The following ZNF385D variants were observed in gnomAD, a reference collection of about 807,000 sequenced individuals.
The protein encoded by ZNF385D is zinc finger protein 385D, also known as zinc finger protein 659.
A neutral mutation model predicts 35.8 loss-of-function variants in ZNF385D; 15 were observed. That is an observed-to-expected ratio of 0.42 (90% confidence interval 0.28 to 0.64). The LOEUF (loss-of-function observed/expected upper bound fraction) is 0.64, where lower values mean the gene tolerates loss of function less well. Ranked by LOEUF, ZNF385D falls within the 30% of genes least tolerant of loss-of-function variation. ZNF385D has a pLI of 0.23. For missense variants in ZNF385D, 474 were observed against 494.6 expected (o/e 0.96, Z 0.39); for synonymous variants, 212 against 186.8 (o/e 1.13, Z -1.10).
intron 3 of ZNF385D, among the ~76,000 whole-genome samples, chr3:21,945,193 G>A (rs1015134936): frequency 7.9e-6 from 1 of 125,858 alleles, no homozygotes; most frequent in Non-Finnish European, 1.7e-5. Context: ...GAGAGAGACA[G>A]ATTGAGAGAA....
At chr3:22,109,494 C>T (rs1286207115) in intron 3 of ZNF385D, among the ~76,000 whole-genome samples, 4 of 152,094 alleles carry the variant, frequency 2.6e-5, no homozygotes, top group Admixed American at 2.0e-4. Flanking sequence ...CATCTTAGAG[C>T]TACTGATGTT....
intron 3 of ZNF385D, among the ~76,000 whole-genome samples, chr3:22,094,410 A>ATATATATATATATATATAT (rs1386186822): frequency 4.6e-4 from 38 of 83,402 alleles, no homozygotes; most frequent in South Asian, 1.0e-3. Context: ...ATATATATAT[A>ATATATATATATATATATAT]AAGGCATTTG....
intron 3 of ZNF385D, among the ~76,000 whole-genome samples, chr3:21,933,500 T>C (rs1360029230): frequency 1.3e-5 from 2 of 152,234 alleles, no homozygotes; most frequent in East Asian, 3.8e-4. Flanking sequence ...CAATGCTTCA[T>C]AGGCTATAAT....
chr3:22,213,889 G>A (rs1039929352), intron 2 of ZNF385D, among the ~76,000 whole-genome samples: 1 of 152,024 alleles, frequency 6.6e-6, no homozygotes, highest in Admixed American at 6.6e-5. Flanking sequence ...CTTAAGGAGA[G>A]AATTTACACC....
At chr3:21,664,764 C>T (rs1575422001) in intron 2 of ZNF385D, 122 bp downstream of exon 2, 12 of 1,355,798 alleles carry the variant, frequency 8.9e-6, no homozygotes, top group Non-Finnish European at 4.1e-6. Flanking sequence ...ATTATGGCTT[C>T]TAGACAAACC....
intron 4 of ZNF385D, among the ~76,000 whole-genome samples, chr3:21,457,143 G>A (rs2125300592): frequency 6.6e-6 from 1 of 152,204 alleles, no homozygotes; most frequent in Admixed American, 6.5e-5. Flanking sequence ...TCTTGAATGA[G>A]AGAATGAAAC....
At chr3:21,827,182 T>C (rs1311868136) in intron 3 of ZNF385D, among the ~76,000 whole-genome samples, 3 of 152,192 alleles carry the variant, frequency 2.0e-5, no homozygotes, top group East Asian at 1.9e-4. Context: ...TCTTAGCTTC[T>C]TTTACCACCA....
chr3:22,345,149 T>C (rs1695600218), intron 2 of ZNF385D, among the ~76,000 whole-genome samples: 1 of 152,178 alleles, frequency 6.6e-6, no homozygotes, highest in Non-Finnish European at 1.5e-5. Flanking sequence ...ACAATAATAA[T>C]GCAAACCATA....
At chr3:21,994,501 A>G (rs1576109421) in intron 3 of ZNF385D, among the ~76,000 whole-genome samples, 1 of 149,826 alleles carries the variant, frequency 6.7e-6, no homozygotes, top group African/African-American at 2.4e-5. Flanking sequence ...CTTTATTATG[A>G]TCACCATTTT....
intron 3 of ZNF385D, among the ~76,000 whole-genome samples, chr3:22,086,028 A>G (rs1701019367): frequency 6.6e-6 from 1 of 152,194 alleles, no homozygotes; most frequent in South Asian, 2.1e-4. Context: ...ACTCTCAATA[A>G]ATTAGGTGTT....
At chr3:22,131,713 G>A (rs1169684570) in intron 3 of ZNF385D, among the ~76,000 whole-genome samples, 1 of 152,148 alleles carries the variant, frequency 6.6e-6, no homozygotes, top group Non-Finnish European at 1.5e-5. Context: ...CAGCTAGGGA[G>A]ATATCACAGA....
upstream of ZNF385D, chr3:21,751,545 C>G (rs1239551984): frequency 1.5e-6 from 1 of 685,642 alleles, no homozygotes. Flanking sequence ...TTAACCTCCT[C>G]TACCAAGTTA....
intron 3 of ZNF385D, among the ~76,000 whole-genome samples, chr3:21,824,888 G>A (rs1255702332): frequency 6.6e-6 from 1 of 152,102 alleles, no homozygotes. Flanking sequence ...TGCTCCTTTT[G>A]CACTCTAATG....
chr3:21,788,609 G>C (rs2071797828), intron 3 of ZNF385D, among the ~76,000 whole-genome samples: 1 of 152,176 alleles, frequency 6.6e-6, no homozygotes, highest in African/African-American at 2.4e-5. Flanking sequence ...CCATCAGTAA[G>C]AAAAACAACT....
intron 3 of ZNF385D, among the ~76,000 whole-genome samples, chr3:22,032,559 T>A (rs9873654): frequency 0.037 from 5,604 of 152,212 alleles, 360 homozygotes; most frequent in African/African-American, 0.13. Context: ...CCAAACCATA[T>A]CACTCCCTAT....
At chr3:22,283,882 T>C (rs1701893640) in intron 2 of ZNF385D, among the ~76,000 whole-genome samples, 1 of 152,178 alleles carries the variant, frequency 6.6e-6, no homozygotes, top group Non-Finnish European at 1.5e-5. Flanking sequence ...GAATAATGCA[T>C]TTCTAGTGAC....
chr3:21,803,422 T>G (rs1260285340), intron 3 of ZNF385D, among the ~76,000 whole-genome samples: 2 of 152,126 alleles, frequency 1.3e-5, no homozygotes, highest in African/African-American at 4.8e-5. Flanking sequence ...TGTATAGGAG[T>G]CATTGATATT....
At chr3:21,611,856 TG>T (rs2064689466) in intron 2 of ZNF385D, among the ~76,000 whole-genome samples, 1 of 151,604 alleles carries the variant, frequency 6.6e-6, no homozygotes, top group African/African-American at 2.4e-5. Flanking sequence ...GCACCTTGAC[TG>T]GAAGGATAGA....
chr3:21,949,914 C>T (rs1416704886), intron 3 of ZNF385D, among the ~76,000 whole-genome samples: 1 of 152,086 alleles, frequency 6.6e-6, no homozygotes, highest in East Asian at 1.9e-4. Flanking sequence ...GCATAGTATT[C>T]CATGGTGTAT....
Sources: gnomAD v4.1 joint callset for allele counts (sites outside exome capture counted in the v4.1 genomes callset) on GRCh38, gnomAD v4.1.1 for gene constraint, MANE v1.5 for transcripts, NCBI Gene and HGNC (gene_info 2026-07-23, HGNC 2026-07-21) for gene names.